Variants in RNF185 observed in about 807,000 individuals in gnomAD.
The protein encoded by RNF185 is ring finger protein 185, also known as E3 ubiquitin-protein ligase RNF185.
RNF185 carries 13 observed loss-of-function variants against 24.9 expected under a neutral mutation model. The observed-to-expected ratio is 0.52, with a 90% CI of 0.34 to 0.83. The LOEUF is 0.83. Ranked by LOEUF, RNF185 falls within the 40% of genes least tolerant of loss-of-function variation. The probability of loss-of-function intolerance (pLI) is 0.01; values close to 1 mark genes in which losing one functional copy is unlikely to be tolerated. For synonymous variants in RNF185, 79 were observed against 90.3 expected (o/e 0.88, Z 0.71); for missense variants, 184 against 244.7 (o/e 0.75, Z 1.65).
chr22:31,180,188 T>C (rs906579119), intron 1 of RNF185, among the ~76,000 whole-genome samples: 3 of 152,058 alleles, frequency 2.0e-5, no homozygotes, highest in Non-Finnish European at 4.4e-5. Context: ...AAAGGCCGGG[T>C]GCAGTGGCTC....
chr22:31,188,384 A>T (rs2048120463), intron 2 of RNF185, among the ~76,000 whole-genome samples: 1 of 152,186 alleles, frequency 6.6e-6, no homozygotes, highest in Admixed American at 6.6e-5. Context: ...AGCTGTTGTG[A>T]TCCACATTCT....
intron 5 of RNF185, among the ~76,000 whole-genome samples, chr22:31,200,899 A>G (rs1002244325): frequency 4.6e-5 from 7 of 152,354 alleles, no homozygotes; most frequent in African/African-American, 1.7e-4. Flanking sequence ...ATATACCTAC[A>G]TATTGTCATG....
chr22:31,175,076 TAAAA>T (rs5844936), intron 1 of RNF185, among the ~76,000 whole-genome samples: 3 of 138,570 alleles, frequency 2.2e-5, no homozygotes, highest in Admixed American at 7.3e-5. Flanking sequence ...CGTCTCAAAT[TAAAA>T]AAAAAAAAAA....
chr22:31,168,171 A>G (rs578163019), intron 1 of RNF185, among the ~76,000 whole-genome samples: 21 of 152,192 alleles, frequency 1.4e-4, no homozygotes, highest in Admixed American at 2.6e-4. Flanking sequence ...AGTACGTCAT[A>G]TAAGTAGAAT....
chr22:31,166,960 A>G (rs1923962449), intron 1 of RNF185, among the ~76,000 whole-genome samples: 1 of 152,064 alleles, frequency 6.6e-6, no homozygotes, highest in Admixed American at 6.6e-5. Flanking sequence ...TATAAGCGTT[A>G]CTTCTGATGG....
At position 31,188,638 on chromosome 22, in the gene RNF185, G is replaced by A. The variant is rs983848940; in HGVS notation, c.176+1368G>A. Among the ~76,000 whole-genome samples the A allele has an allele frequency of 1.3e-4, 19 of 151,776 alleles. 1 individual carries two copies. Among genetic ancestry groups the A allele is most frequent in the Admixed American group, 9.9e-4 (15 of 15,210 alleles). On this transcript the variant is annotated intron_variant, in intron 2 of 6. Coordinates refer to ENST00000326132, the MANE Select transcript of RNF185 (RefSeq NM_152267.4). ...GCCCAGGAGTGCAAGATGAGTCTGGGCAACATAGTGAGGCCCCACTATGTT... is the reference window on the plus strand; with the variant it reads ...GCCCAGGAGTGCAAGATGAGTCTGGACAACATAGTGAGGCCCCACTATGTT...
chr22:31,204,603 A>G lies in RNF185; in HGVS notation c.*17A>G. On this transcript the variant is annotated 3_prime_UTR_variant, in exon 7 of 7. Transcript: ENST00000326132. Reference sequence around the variant, plus strand: ...ATTGCCTAATGCTGGGCTCCTGCCTACATCCGTGGCAGGGCTCTGGACTGG... The same window carrying G: ...ATTGCCTAATGCTGGGCTCCTGCCTGCATCCGTGGCAGGGCTCTGGACTGG... The G allele has an allele frequency of 6.7e-7, 1 of 1,494,202 alleles. No homozygotes were observed. The highest frequency in any genetic ancestry group is 2.3e-5 in the East Asian group (1 of 44,322). 92.6% of individuals were successfully genotyped at this position (1,494,202 alleles called of 1,614,324 possible).
chr22:31,173,484 C>T (rs2047952197), intron 1 of RNF185, among the ~76,000 whole-genome samples: 1 of 151,852 alleles, frequency 6.6e-6, no homozygotes, highest in Non-Finnish European at 1.5e-5. Flanking sequence ...TAGCCCTGTG[C>T]TGAGTAAGGA....
chr22:31,166,539 C>T (rs1382553744), intron 1 of RNF185, among the ~76,000 whole-genome samples: 1 of 149,140 alleles, frequency 6.7e-6, no homozygotes, highest in African/African-American at 2.5e-5. Flanking sequence ...CATGTTTTTG[C>T]CAGCCTCTTC....
At chr22:31,196,314 C>T (rs1400994018) in intron 4 of RNF185, among the ~76,000 whole-genome samples, 1 of 152,186 alleles carries the variant, frequency 6.6e-6, no homozygotes, top group Non-Finnish European at 1.5e-5. Flanking sequence ...GTTCCCACCA[C>T]AGTGTCATAT....
chr22:31,204,060 A>G (rs1162947118), intron 6 of RNF185, among the ~76,000 whole-genome samples: 2 of 146,416 alleles, frequency 1.4e-5, no homozygotes, highest in Non-Finnish European at 3.0e-5. Context: ...AAAAAAAAAA[A>G]AAGGCCAGGC....
intron 1 of RNF185, among the ~76,000 whole-genome samples, chr22:31,184,838 A>T (rs1249297159): frequency 1.4e-5 from 2 of 144,596 alleles, no homozygotes; most frequent in African/African-American, 5.1e-5. Flanking sequence ...TCAGGCAGGG[A>T]GGCTGCAGTG....
chr22:31,205,654 C>G lies in RNF185; in HGVS notation c.*1068C>G, dbSNP rs1327463782. 6.6e-6 allele frequency: 1 copy of G among 152,230 alleles called. No individual in the cohort carries two copies. Among genetic ancestry groups the G allele is most frequent in the Admixed American group, 6.5e-5 (1 of 15,284 alleles). The allele number at this position is 152,230 out of a possible 1,614,324, so 9.4% of individuals were successfully genotyped here. ...AAGAGGCAAGGAAAGGGGAAACCCA[C>G]ATGTGACCCTGATTTTGGTATGGCT... On this transcript the variant is annotated 3_prime_UTR_variant, in exon 7 of 7. Transcript: ENST00000326132.
intron 1 of RNF185, among the ~76,000 whole-genome samples, chr22:31,182,109 CTTTT>C (rs747537462): frequency 8.1e-6 from 1 of 122,792 alleles, no homozygotes; most frequent in Non-Finnish European, 1.7e-5. Context: ...ACAGTAATTC[CTTTT>C]TTTTTTTTTT....
At chr22:31,183,376 TA>T (rs1331428439) in intron 1 of RNF185, among the ~76,000 whole-genome samples, 2 of 150,568 alleles carry the variant, frequency 1.3e-5, no homozygotes, top group Admixed American at 6.8e-5. Context: ...GCATAATTTT[TA>T]ATTTTTTTTT....
intron 2 of RNF185, among the ~76,000 whole-genome samples, chr22:31,189,161 GTGTT>G (rs1408086395): frequency 1.2e-4 from 17 of 146,876 alleles, no homozygotes; most frequent in African/African-American, 4.3e-4. Context: ...GTGTGTGTGT[GTGTT>G]TGTGTTTGTG....
chr22:31,187,151 G>A lies in RNF185; in HGVS notation c.57G>A (p.Gly19=). The A allele has an allele frequency of 5.0e-6, 8 of 1,613,686 alleles. No individual in the cohort carries two copies. Among genetic ancestry groups the A allele is most frequent in the Non-Finnish European group, 2.5e-6 (3 of 1,179,784 alleles). Residue 19 remains glycine (G), a synonymous_variant, in exon 2 of 7, where the codon GGG becomes GGA. Transcript: ENST00000326132. ...CTCCTGAGAACTCCAGTGCAGGGGG[G>A]CCCAGTGGGAGCAGCAATGGCGCTG... is the stretch of plus-strand genomic sequence containing the variant. The part of the protein sequence containing the change: ...SASPENSSAG[G]PSGSSNGAGE...
At chr22:31,197,727 T>A (rs2048220416) in intron 5 of RNF185, among the ~76,000 whole-genome samples, 1 of 152,092 alleles carries the variant, frequency 6.6e-6, no homozygotes, top group African/African-American at 2.4e-5. Context: ...TTTTGAGTTT[T>A]TTTTTGTCTT....
chr22:31,162,963 A>T (rs1923674493), intron 1 of RNF185, among the ~76,000 whole-genome samples: 1 of 151,630 alleles, frequency 6.6e-6, no homozygotes, highest in South Asian at 2.1e-4. Flanking sequence ...GTAGGGTTTC[A>T]CTGTGTTAGC....
Sources: gnomAD v4.1 joint callset for allele counts (sites outside exome capture counted in the v4.1 genomes callset) on GRCh38, gnomAD v4.1.1 for gene constraint, MANE v1.5 for transcripts, NCBI Gene and HGNC (gene_info 2026-07-23, HGNC 2026-07-21) for gene names.